WDR17: variants seen among roughly 807,000 people sequenced by gnomAD.
WDR17 encodes the protein WD repeat domain 17.
In WDR17, 143 loss-of-function variants were observed where a neutral mutation model predicts 161.7. The observed-to-expected ratio is 0.88, with a 90% CI of 0.77 to 1.02. The LOEUF is 1.02. Ranked by LOEUF, WDR17 falls within the 50% of genes least tolerant of loss-of-function variation. The probability of loss-of-function intolerance (pLI) is 0.00; values close to 1 mark genes in which losing one functional copy is unlikely to be tolerated. For synonymous variants in WDR17, 517 were observed against 515.6 expected (o/e 1.00, Z -0.04); for missense variants, 1,469 against 1,520.9 (o/e 0.97, Z 0.57).
intron 1 of WDR17, among the ~76,000 whole-genome samples, chr4:176,102,341 C>T (rs933228963): frequency 6.6e-6 from 1 of 152,138 alleles, no homozygotes. Flanking sequence ...GGCTAATATC[C>T]AAACACCAGA....
At chr4:176,076,618 G>A (rs1377933634) in intron 1 of WDR17, among the ~76,000 whole-genome samples, 1 of 151,346 alleles carries the variant, frequency 6.6e-6, no homozygotes, top group African/African-American at 2.4e-5. Context: ...CTGAATCATT[G>A]ATATGATTTT....
At position 176,150,160 on chromosome 4, in the gene WDR17, C is replaced by T; in HGVS notation, c.2165C>T (p.Ser722Leu). 6.2e-7 allele frequency: 1 copy of T among 1,612,906 alleles called. No homozygotes were observed. The highest frequency in any genetic ancestry group is 8.5e-7 in the Non-Finnish European group (1 of 1,179,836). The part of the protein sequence containing the change: ...NSQVKKLRWF[S>L]ECLSPPGGSD... The stretch of plus-strand genomic sequence containing the variant: ...CAAGTGAAAAAACTAAGATGGTTCT[C>T]AGAATGTTTATCTGTAAGTATTACA... The change falls in exon 15 of 29, where the codon TCA becomes TTA. Residue 722 changes from serine (S) to leucine (L), a missense_variant. Transcript: ENST00000508596.
intron 1 of WDR17, among the ~76,000 whole-genome samples, chr4:176,070,030 A>G (rs1309667995): frequency 6.6e-6 from 1 of 152,160 alleles, no homozygotes; most frequent in Non-Finnish European, 1.5e-5. Flanking sequence ...GATCCTTAAG[A>G]CCAGTTACTC....
intron 7 of WDR17, among the ~76,000 whole-genome samples, chr4:176,132,396 C>T (rs1483243077): frequency 2.0e-5 from 3 of 152,004 alleles, no homozygotes; most frequent in Non-Finnish European, 4.4e-5. Flanking sequence ...CTTTAATTTT[C>T]CCTACTTTAG....
chr4:176,069,784 C>T (rs990535244), intron 1 of WDR17, among the ~76,000 whole-genome samples: 4 of 152,068 alleles, frequency 2.6e-5, no homozygotes, highest in Non-Finnish European at 5.9e-5. Flanking sequence ...ATTTTTATTA[C>T]ACAAAGCACT....
rs543014403 is a variant in WDR17 at position 176,160,127 on chromosome 4, G to C, written c.2658+1G>C. On this transcript the variant is annotated splice_donor_variant, in intron 19 of 28. Transcript: ENST00000508596. LOFTEE classifies it high-confidence loss of function. ...TAAAGAAGCTCTGCTTGTTGCACAG[G>C]TAAAACCACAGAACTACCCCAGTCA... 1.9e-6 allele frequency: 3 copies of C among 1,612,966 alleles called. No individual in the cohort carries two copies. In the African/African-American group the frequency reaches 4.0e-5, roughly 22 times the overall value.
In WDR17 at chr4:176,131,545, T is replaced by C. The variant is rs750614653; in HGVS notation, c.914-9T>C. The C allele has an allele frequency of 6.3e-7, 1 of 1,592,394 alleles. No homozygotes were observed. ...CATTCCAATAGGATTTTTTTTCTTC[T>C]ATTTTTAGTTTCAGTCCAATCTCCA... On this transcript the variant is annotated splice_polypyrimidine_tract_variant and intron_variant, in intron 6 of 28. Coordinates refer to ENST00000508596, the MANE Select transcript of WDR17 (RefSeq NM_181265.4).
At chr4:176,081,024 TAA>T (rs1395127165) in intron 1 of WDR17, among the ~76,000 whole-genome samples, 1 of 152,074 alleles carries the variant, frequency 6.6e-6, no homozygotes, top group African/African-American at 2.4e-5. Flanking sequence ...TGAATGGGGC[TAA>T]GTTATTCAGT....
chr4:176,080,280 A>C (rs552995957), intron 1 of WDR17, among the ~76,000 whole-genome samples: 319 of 152,146 alleles, frequency 2.1e-3, no homozygotes, highest in African/African-American at 7.2e-3. Context: ...AATATGAATT[A>C]GACTCAAGAT....
chr4:176,150,176 A>G lies in WDR17; in HGVS notation c.2178+3A>G, dbSNP rs2126813907. The G allele has an allele frequency of 1.2e-6, 2 of 1,611,742 alleles. No individual in the cohort carries two copies. The highest frequency in any genetic ancestry group is 4.5e-5 in the East Asian group (2 of 44,798). ...GATGGTTCTCAGAATGTTTATCTGT[A>G]AGTATTACAGGAATTAAATGCGAAT... is the stretch of plus-strand genomic sequence containing the variant. On this transcript the variant is annotated splice_donor_region_variant and intron_variant, in intron 15 of 28. Coordinates refer to ENST00000508596, the MANE Select transcript of WDR17 (RefSeq NM_181265.4).
At chr4:176,111,980 G>A (rs933960518) in intron 2 of WDR17, among the ~76,000 whole-genome samples, 4 of 152,068 alleles carry the variant, frequency 2.6e-5, no homozygotes, top group Admixed American at 2.6e-4. Flanking sequence ...AGTAAAATTA[G>A]GACAGACATA....
chr4:176,094,801 T>C (rs556595583), intron 1 of WDR17, among the ~76,000 whole-genome samples: 1 of 152,306 alleles, frequency 6.6e-6, no homozygotes, highest in Admixed American at 6.5e-5. Flanking sequence ...AAAGATGATT[T>C]GATATTTTCA....
In WDR17 at chr4:176,095,479, G is replaced by A. The variant is rs558725638; in HGVS notation, c.-6-16096G>A. Among the ~76,000 whole-genome samples, 7 of 152,204 alleles carry A rather than the reference G, an allele frequency of 4.6e-5. No individual in the cohort carries two copies. The South Asian group carries it at 1.4e-3, about 32-fold the overall frequency. On this transcript the variant is annotated intron_variant, in intron 1 of 28. Coordinates refer to ENST00000508596, the MANE Select transcript of WDR17 (RefSeq NM_181265.4). ...ACAGTAGAGATAAGGCTGTTCTCAA[G>A]TAGCTGCAGTGATAATTATATTTCA...
chr4:176,091,876 G>A (rs867336380), intron 1 of WDR17, among the ~76,000 whole-genome samples: 13 of 151,992 alleles, frequency 8.6e-5, no homozygotes, highest in African/African-American at 3.1e-4. Context: ...AAAAGGACAC[G>A]CAACCTACAA....
At chr4:176,146,230 A>C in intron 12 of WDR17, 71 bp downstream of exon 12, 1 of 1,491,102 alleles carries the variant, frequency 6.7e-7, no homozygotes, top group Middle Eastern at 1.8e-4. Flanking sequence ...AAATGTACAT[A>C]TTTATAGGAG....
At chr4:176,125,616 CAT>C (rs33929665) in intron 5 of WDR17, among the ~76,000 whole-genome samples, 37,504 of 151,994 alleles carry the variant, frequency 0.25, 4,741 homozygotes, top group South Asian at 0.28. Flanking sequence ...TATGTGCACA[CAT>C]GTGAGCATGT....
chr4:176,147,600 T>A (rs143914274), intron 12 of WDR17, among the ~76,000 whole-genome samples: 1,790 of 152,296 alleles, frequency 0.012, 19 homozygotes, highest in Non-Finnish European at 0.019. Flanking sequence ...AATTTACAAA[T>A]CATCTTAATA....
intron 13 of WDR17, among the ~76,000 whole-genome samples, chr4:176,148,839 ATTAC>A (rs1746626721): frequency 6.6e-6 from 1 of 152,160 alleles, no homozygotes. Context: ...GGAAAATCAG[ATTAC>A]TTACCATTTG....
intron 28 of WDR17, among the ~76,000 whole-genome samples, chr4:176,178,036 C>T (rs1180767147): frequency 1.7e-5 from 2 of 114,648 alleles, no homozygotes; most frequent in African/African-American, 6.7e-5. Context: ...AAAAAAGATC[C>T]CACCTCCCAA....
Sources: allele counts gnomAD v4.1 joint callset (sites outside exome capture counted in the v4.1 genomes callset), GRCh38; gene constraint gnomAD v4.1.1; transcripts MANE v1.5; gene names NCBI Gene and HGNC (gene_info 2026-07-23, HGNC 2026-07-21).